Variants in ADAMTSL3 observed in about 807,000 individuals in gnomAD.
The protein encoded by ADAMTSL3 is ADAMTS like 3, also known as ADAMTS-like protein 3.
A neutral mutation model predicts 201.7 loss-of-function variants in ADAMTSL3; 128 were observed. The ratio of observed to expected loss-of-function variants is 0.63; its 90% CI spans 0.55 to 0.73. ADAMTSL3 has a LOEUF of 0.73. ADAMTSL3 is among the 30% of genes least tolerant of loss of function. The probability of loss-of-function intolerance (pLI) is 0.00; values close to 1 mark genes in which losing one functional copy is unlikely to be tolerated. For synonymous variants in ADAMTSL3, 738 were observed against 748.4 expected (o/e 0.99, Z 0.23); for missense variants, 1,990 against 2,119.6 (o/e 0.94, Z 1.20).
intron 23 of ADAMTSL3, among the ~76,000 whole-genome samples, chr15:84,002,832 A>G (rs1416097108): frequency 6.6e-6 from 1 of 152,074 alleles, no homozygotes; most frequent in African/African-American, 2.4e-5. Flanking sequence ...GCAGATTCCT[A>G]CTGCCAAAAG....
intron 12 of ADAMTSL3, among the ~76,000 whole-genome samples, chr15:83,891,688 G>C (rs1000253013): frequency 6.6e-6 from 1 of 152,190 alleles, no homozygotes; most frequent in African/African-American, 2.4e-5. Flanking sequence ...GAGATGAGTA[G>C]TATGGTCCTT....
intron 8 of ADAMTSL3, among the ~76,000 whole-genome samples, chr15:83,866,382 G>A (rs918059453): frequency 1.2e-4 from 19 of 152,264 alleles, no homozygotes; most frequent in Middle Eastern, 3.4e-3. Flanking sequence ...ATGATAGACT[G>A]GATTAAGAAA....
chr15:84,036,581 G>A (rs2068510255), intron 28 of ADAMTSL3, among the ~76,000 whole-genome samples, 192 bp from the exon 29 acceptor site: 1 of 152,182 alleles, frequency 6.6e-6, no homozygotes, highest in African/African-American at 2.4e-5. Context: ...TCCACCCCAG[G>A]TGGTGGAGAA....
chr15:83,993,708 A>G (rs1178812915), intron 23 of ADAMTSL3, among the ~76,000 whole-genome samples: 1 of 152,206 alleles, frequency 6.6e-6, no homozygotes, highest in Non-Finnish European at 1.5e-5. Context: ...GCCTATTTCT[A>G]AAGGTTAAAA....
At chr15:83,893,851 C>T (rs62025857) in intron 13 of ADAMTSL3, among the ~76,000 whole-genome samples, 6 of 152,052 alleles carry the variant, frequency 3.9e-5, no homozygotes, top group Non-Finnish European at 8.8e-5. Context: ...TAATCTTAAT[C>T]CTTTAATTTT....
chr15:83,912,686 A>G (rs954062816), intron 15 of ADAMTSL3, among the ~76,000 whole-genome samples: 3 of 152,230 alleles, frequency 2.0e-5, no homozygotes, highest in Non-Finnish European at 4.4e-5. Context: ...TCTGCCCATT[A>G]CAGAGGATAA....
intron 17 of ADAMTSL3, among the ~76,000 whole-genome samples, chr15:83,936,548 T>C (rs1439032433): frequency 6.6e-6 from 1 of 150,888 alleles, no homozygotes; most frequent in African/African-American, 2.5e-5. Flanking sequence ...TTTATAGTTA[T>C]GCTATAAAAA....
Position 83,923,939 on chromosome 15 carries a change from C to T in ADAMTSL3, c.2023C>T (p.Gln675Ter). 4.3e-6 allele frequency: 7 copies of T among 1,614,138 alleles called. No individual in the cohort carries two copies. Among genetic ancestry groups the T allele is most frequent in the Non-Finnish European group, 5.9e-6 (7 of 1,179,986 alleles). ...AGCCATAGCAGTGTGCTTACATATC[C>T]AGACCCAGCAGACAGTCAATGACAG... is the stretch of plus-strand genomic sequence containing the variant. ...QEAIAVCLHIQTQQTVNDSLC... is the reference protein window; with the variant it reads ...QEAIAVCLHI Residue 675 changes from glutamine to a stop codon, truncating the protein, a stop_gained, in exon 17 of 30, where the codon CAG becomes TAG. Coordinates refer to ENST00000286744, the MANE Select transcript of ADAMTSL3 (RefSeq NM_207517.3). LOFTEE classifies it high-confidence loss of function.
At chr15:83,791,990 C>T (rs2063352566) in intron 4 of ADAMTSL3, among the ~76,000 whole-genome samples, 1 of 152,086 alleles carries the variant, frequency 6.6e-6, no homozygotes, top group Non-Finnish European at 1.5e-5. Context: ...TTACACATGA[C>T]CCCAAAAGCC....
At chr15:83,994,015 T>C (rs1017640793) in intron 23 of ADAMTSL3, among the ~76,000 whole-genome samples, 4 of 152,228 alleles carry the variant, frequency 2.6e-5, no homozygotes, top group Non-Finnish European at 4.4e-5. Context: ...CTAAAGTGTT[T>C]TGTTGTGTGT....
chr15:83,898,265 C>T lies in ADAMTSL3; in HGVS notation c.1615+260C>T, dbSNP rs1046305020. Among the ~76,000 whole-genome samples the T allele has an allele frequency of 5.4e-5, 8 of 148,406 alleles. 1 individual carries two copies. In the South Asian group the frequency reaches 8.6e-4, roughly 16 times the overall value. On this transcript the variant is annotated intron_variant, in intron 14 of 29. Coordinates refer to ENST00000286744, the MANE Select transcript of ADAMTSL3 (RefSeq NM_207517.3). ...TTTTATACTAACATTTCTTGGTGGA[C>T]GTAAGAAAATTAAATGCAGTCCCTC... is the stretch of plus-strand genomic sequence containing the variant.
chr15:83,748,464 A>G (rs1005113869), intron 3 of ADAMTSL3, among the ~76,000 whole-genome samples: 3 of 152,030 alleles, frequency 2.0e-5, no homozygotes, highest in African/African-American at 7.2e-5. Context: ...CCTGGGCAAC[A>G]TGGCGAAACC....
intron 3 of ADAMTSL3, among the ~76,000 whole-genome samples, chr15:83,728,729 T>C (rs964437213): frequency 6.6e-6 from 1 of 152,094 alleles, no homozygotes; most frequent in African/African-American, 2.4e-5. Context: ...GTTGTAGTTA[T>C]TATTTTTGAT....
At chr15:83,675,585 TC>T (rs1459504809) in intron 2 of ADAMTSL3, among the ~76,000 whole-genome samples, 2 of 150,262 alleles carry the variant, frequency 1.3e-5, no homozygotes, top group Admixed American at 1.3e-4. Context: ...CGTGCTGTTT[TC>T]TTTTTTTTTT....
intron 5 of ADAMTSL3, among the ~76,000 whole-genome samples, chr15:83,809,087 G>A (rs1236816862): frequency 6.6e-6 from 1 of 152,090 alleles, no homozygotes; most frequent in Non-Finnish European, 1.5e-5. Context: ...AGTAGCTATA[G>A]TAAACAGCAA....
At chr15:83,655,655 TG>T in intron 1 of ADAMTSL3, 73 bp from the exon 2 acceptor site, 1 of 1,083,054 alleles carries the variant, frequency 9.2e-7, no homozygotes, top group Non-Finnish European at 1.4e-6. Flanking sequence ...CTCCATCTAA[TG>T]GGTCGCTTAA....
chr15:83,883,763 G>T (rs62025854), intron 9 of ADAMTSL3, among the ~76,000 whole-genome samples: 31,197 of 151,388 alleles, frequency 0.21, 4,037 homozygotes, highest in Non-Finnish European at 0.28. Context: ...ATAGGATCTT[G>T]CTATGTTGAC....
chr15:83,712,580 A>T (rs1353589066), intron 3 of ADAMTSL3, among the ~76,000 whole-genome samples: 1 of 152,170 alleles, frequency 6.6e-6, no homozygotes. Flanking sequence ...TTATGACCTG[A>T]TCATGACTTC....
intron 19 of ADAMTSL3, 101 bp from the exon 20 acceptor site, chr15:83,970,383 C>T: frequency 7.2e-7 from 1 of 1,393,948 alleles, no homozygotes; most frequent in Non-Finnish European, 1.0e-6. Context: ...CACATCCGTA[C>T]TGAAAATTTC....
Sources: allele counts gnomAD v4.1 joint callset (sites outside exome capture counted in the v4.1 genomes callset), GRCh38; gene constraint gnomAD v4.1.1; transcripts MANE v1.5; gene names NCBI Gene and HGNC (gene_info 2026-07-23, HGNC 2026-07-21).